PTPRD: variants seen among roughly 807,000 people sequenced by gnomAD.
PTPRD encodes protein tyrosine phosphatase receptor type D, also known as receptor-type tyrosine-protein phosphatase delta.
Under a neutral mutation model 214.5 loss-of-function variants are expected in PTPRD, and 34 were observed. The observed-to-expected ratio is 0.16, with a 90% CI of 0.12 to 0.21. The LOEUF (loss-of-function observed/expected upper bound fraction) is 0.21. Among genes scored for constraint, PTPRD ranks in the 10% least tolerant of loss-of-function variants. The pLI, the probability that PTPRD is intolerant of heterozygous loss-of-function variation, is 1.00. For synonymous variants in PTPRD, 1,128 were observed against 845.7 expected (o/e 1.33, Z -5.79); for missense variants, 2,545 against 2,398.7 (o/e 1.06, Z -1.27).
intron 3 of PTPRD, among the ~76,000 whole-genome samples, chr9:10,091,934 G>A (rs896363413): frequency 5.3e-5 from 8 of 151,254 alleles, no homozygotes; most frequent in South Asian, 4.2e-4. Context: ...AGATGACCTC[G>A]GCTTCAGAGT....
At chr9:8,624,005 A>G (rs901575136) in intron 14 of PTPRD, among the ~76,000 whole-genome samples, 5 of 151,972 alleles carry the variant, frequency 3.3e-5, no homozygotes, top group African/African-American at 1.2e-4. Flanking sequence ...CTAATGTTAC[A>G]TTTTCACAGA....
rs532250918 is a variant in PTPRD at position 10,582,508 on chromosome 9, T to G, written c.-600+29890A>C. ...TCCATATTATAAAACTATTTTAATT[T>G]TTCTTTCATTTTCATTTAGCAAAAG... On this transcript the variant is annotated intron_variant, in intron 2 of 45. Transcript: ENST00000381196. 4.9e-4 allele frequency among the ~76,000 whole-genome samples: 75 copies of G among 152,326 alleles called. 1 individual carries two copies. Among genetic ancestry groups the G allele is most frequent in the Non-Finnish European group, 9.6e-4 (65 of 68,036 alleles).
intron 9 of PTPRD, among the ~76,000 whole-genome samples, chr9:9,318,671 A>G (rs1964740475): frequency 6.6e-6 from 1 of 152,192 alleles, no homozygotes; most frequent in South Asian, 2.1e-4. Context: ...TGATAAAAGT[A>G]TCTCAATTTC....
At chr9:10,083,472 G>A (rs1340162434) in intron 3 of PTPRD, among the ~76,000 whole-genome samples, 2 of 152,012 alleles carry the variant, frequency 1.3e-5, no homozygotes, top group Non-Finnish European at 2.9e-5. Context: ...GCTTCTCAAA[G>A]CCTGGATAAA....
intron 3 of PTPRD, among the ~76,000 whole-genome samples, chr9:10,240,017 C>G (rs1351284878): frequency 6.6e-6 from 1 of 151,946 alleles, no homozygotes; most frequent in Non-Finnish European, 1.5e-5. Context: ...CTACCCCATA[C>G]TGAGGAGGGA....
At chr9:8,984,680 G>A (rs1196152631) in intron 11 of PTPRD, among the ~76,000 whole-genome samples, 1 of 152,106 alleles carries the variant, frequency 6.6e-6, no homozygotes, top group Non-Finnish European at 1.5e-5. Flanking sequence ...TGTCACAGAA[G>A]TCATCTGCAG....
intron 7 of PTPRD, among the ~76,000 whole-genome samples, chr9:9,706,476 G>A (rs1319297700): frequency 6.6e-6 from 1 of 151,376 alleles, no homozygotes; most frequent in African/African-American, 2.4e-5. Context: ...TTTCACTCTG[G>A]TCTCACAGGC....
intron 6 of PTPRD, among the ~76,000 whole-genome samples, chr9:9,762,222 C>G (rs1250241345): frequency 6.6e-6 from 1 of 152,144 alleles, no homozygotes; most frequent in Non-Finnish European, 1.5e-5. Flanking sequence ...AGCCAAAAAG[C>G]CCTATTGTCC....
At chr9:10,128,188 G>A (rs1162435181) in intron 3 of PTPRD, among the ~76,000 whole-genome samples, 1 of 151,994 alleles carries the variant, frequency 6.6e-6, no homozygotes, top group Non-Finnish European at 1.5e-5. Flanking sequence ...TTGGTTCTCT[G>A]AGCTCTGCTA....
chr9:9,841,893 T>C (rs1014545425), intron 5 of PTPRD, among the ~76,000 whole-genome samples: 3 of 152,258 alleles, frequency 2.0e-5, no homozygotes, highest in African/African-American at 7.2e-5. Context: ...ATTTTTCTTC[T>C]TAGAATTGTT....
intron 2 of PTPRD, among the ~76,000 whole-genome samples, chr9:10,347,115 G>A (rs1404806232): frequency 6.6e-6 from 1 of 152,024 alleles, no homozygotes; most frequent in Admixed American, 6.6e-5. Flanking sequence ...CATCAGCCCA[G>A]ATCTCCACCA....
At chr9:8,526,586 T>C (rs559609594) in intron 17 of PTPRD, 41 bp downstream of exon 17, 2 of 1,517,682 alleles carry the variant, frequency 1.3e-6, no homozygotes, top group African/African-American at 1.4e-5. Context: ...ACAGAAAGAA[T>C]GAGTAAGATC....
chr9:9,883,189 T>C (rs564188754), intron 5 of PTPRD, among the ~76,000 whole-genome samples: 128 of 152,266 alleles, frequency 8.4e-4, no homozygotes, highest in African/African-American at 3.0e-3. Flanking sequence ...AAGGTGCTTA[T>C]ACTTTTAAAA....
intron 11 of PTPRD, among the ~76,000 whole-genome samples, chr9:8,809,629 G>C (rs376452387): frequency 1.3e-5 from 2 of 152,154 alleles, no homozygotes; most frequent in African/African-American, 4.8e-5. Context: ...TCTCTGAGCA[G>C]ATACCTGAAA....
intron 3 of PTPRD, among the ~76,000 whole-genome samples, chr9:10,258,896 G>C (rs1480163101): frequency 6.6e-6 from 1 of 152,138 alleles, no homozygotes; most frequent in Non-Finnish European, 1.5e-5. Flanking sequence ...GGTGGAGAAT[G>C]GATTTGTGCA....
At chr9:9,518,429 T>C (rs1292640267) in intron 8 of PTPRD, among the ~76,000 whole-genome samples, 1 of 152,112 alleles carries the variant, frequency 6.6e-6, no homozygotes, top group African/African-American at 2.4e-5. Flanking sequence ...GTGTAGGAGA[T>C]AGGTGCTTTA....
At chr9:9,178,383 C>A (rs967472965) in intron 10 of PTPRD, among the ~76,000 whole-genome samples, 2 of 149,978 alleles carry the variant, frequency 1.3e-5, no homozygotes, top group South Asian at 2.1e-4. Context: ...TTCCTTTTTT[C>A]TTTCCTTCTT....
At chr9:8,563,335 GCAGTTGAT>G (rs1262343412) in intron 14 of PTPRD, among the ~76,000 whole-genome samples, 1 of 151,896 alleles carries the variant, frequency 6.6e-6, no homozygotes, top group East Asian at 1.9e-4. Flanking sequence ...TTAGATATGT[GCAGTTGAT>G]CACATATCAA....
chr9:8,909,363 A>C (rs2098731003), intron 11 of PTPRD, among the ~76,000 whole-genome samples: 1 of 152,158 alleles, frequency 6.6e-6, no homozygotes, highest in Admixed American at 6.6e-5. Flanking sequence ...ATTTTTCACA[A>C]AATATTAGCA....
Sources: allele counts gnomAD v4.1 joint callset (sites outside exome capture counted in the v4.1 genomes callset), GRCh38; gene constraint gnomAD v4.1.1; transcripts MANE v1.5; gene names NCBI Gene and HGNC (gene_info 2026-07-23, HGNC 2026-07-21).